TENM2: variants seen among roughly 807,000 people sequenced by gnomAD.
The protein encoded by TENM2 is teneurin-2.
A neutral mutation model predicts 245.2 loss-of-function variants in TENM2; 52 were observed. The observed-to-expected ratio is 0.21, with a 90% CI of 0.17 to 0.27. TENM2 has a LOEUF of 0.27. TENM2 is among the 10% of genes least tolerant of loss of function. TENM2 has a pLI of 1.00. For synonymous variants in TENM2, 1,363 were observed against 1,438.9 expected (o/e 0.95, Z 1.19); for missense variants, 3,046 against 3,666.8 (o/e 0.83, Z 4.37).
chr5:167,565,834 T>A (rs1261738548), intron 2 of TENM2, among the ~76,000 whole-genome samples: 2 of 152,202 alleles, frequency 1.3e-5, no homozygotes, highest in Non-Finnish European at 2.9e-5. Context: ...TAATATATGG[T>A]CATGAAAACA....
intron 2 of TENM2, among the ~76,000 whole-genome samples, chr5:167,691,444 C>G (rs1391219583): frequency 6.6e-6 from 1 of 152,190 alleles, no homozygotes; most frequent in Non-Finnish European, 1.5e-5. Flanking sequence ...CTGGGTAAAG[C>G]CTGAGGCAAG....
At chr5:167,539,025 A>G (rs911703858) in intron 2 of TENM2, among the ~76,000 whole-genome samples, 7 of 152,158 alleles carry the variant, frequency 4.6e-5, no homozygotes, top group Non-Finnish European at 7.3e-5. Context: ...TTATGTTTCA[A>G]TGTCACCTTT....
At chr5:167,248,399 G>A in the TENM2 span, among the ~76,000 whole-genome samples, 1 of 152,116 alleles carries the variant, frequency 6.6e-6, no homozygotes, top group African/African-American at 2.4e-5. Context: ...AGAATCCCAC[G>A]GAGGGTTCCA....
At chr5:167,843,070 G>A (rs981570363) in intron 2 of TENM2, among the ~76,000 whole-genome samples, 2 of 152,132 alleles carry the variant, frequency 1.3e-5, no homozygotes, top group East Asian at 1.9e-4. Context: ...TCTAGGGTCC[G>A]TGAAACTCCC....
the TENM2 span, among the ~76,000 whole-genome samples, chr5:167,018,817 C>T: frequency 6.6e-6 from 1 of 152,184 alleles, no homozygotes; most frequent in African/African-American, 2.4e-5. Context: ...GGCAATCAAG[C>T]GGATCTATCC....
chr5:168,149,280 C>T (rs1756427920), intron 12 of TENM2: 1 of 443,132 alleles, frequency 2.3e-6, no homozygotes, highest in Non-Finnish European at 4.5e-6. Flanking sequence ...TCCCCTGTCA[C>T]CCTTTCCCTT....
At chr5:167,871,278 A>G (rs933492584) in intron 2 of TENM2, among the ~76,000 whole-genome samples, 15 of 152,158 alleles carry the variant, frequency 9.9e-5, no homozygotes, top group Admixed American at 9.2e-4. Context: ...CTCCACGTCC[A>G]TGAAATTTCT....
chr5:167,585,868 T>A (rs1409403580), intron 2 of TENM2, among the ~76,000 whole-genome samples: 2 of 152,196 alleles, frequency 1.3e-5, no homozygotes, highest in Non-Finnish European at 2.9e-5. Flanking sequence ...GCTCACCCTG[T>A]AATTCCAGCA....
At chr5:167,310,384 G>A (rs1004086966) in intron 1 of TENM2, among the ~76,000 whole-genome samples, 45 of 152,202 alleles carry the variant, frequency 3.0e-4, no homozygotes, top group African/African-American at 8.9e-4. Context: ...CAAAAGGAGC[G>A]TTTACAAACA....
At chr5:167,485,491 AT>A (rs2127534794) in intron 2 of TENM2, among the ~76,000 whole-genome samples, 1 of 152,174 alleles carries the variant, frequency 6.6e-6, no homozygotes, top group African/African-American at 2.4e-5. Flanking sequence ...AAGCCATAAC[AT>A]TTTTCTCTGT....
At position 167,298,758 on chromosome 5, in the gene TENM2, A is replaced by G. The variant is rs762900948; in HGVS notation, c.226+13695A>G. Among the ~76,000 whole-genome samples, 19 of 152,368 alleles carry G rather than the reference A, an allele frequency of 1.2e-4. 1 individual carries two copies. The highest frequency in any genetic ancestry group is 2.4e-4 in the Non-Finnish European group (16 of 68,038). On this transcript the variant is annotated intron_variant, in intron 1 of 28. Coordinates refer to ENST00000518659, the Ensembl canonical transcript of TENM2. The stretch of plus-strand genomic sequence containing the variant: ...ATAGTCCTGCCAGCAAAGATTATTT[A>G]TTTACTTTAAGAGTTAAGAGTGGCA...
the TENM2 span, among the ~76,000 whole-genome samples, chr5:167,127,286 G>T: frequency 0.035 from 5,299 of 152,184 alleles, 307 homozygotes; most frequent in African/African-American, 0.12. Flanking sequence ...CTATAGGGGA[G>T]CTAGAAAGCA....
At chr5:168,034,285 G>A (rs1241583619) in intron 5 of TENM2, among the ~76,000 whole-genome samples, 2 of 148,858 alleles carry the variant, frequency 1.3e-5, no homozygotes, top group Admixed American at 1.3e-4. Flanking sequence ...AGGGTGCAGT[G>A]AGCCAAGATG....
chr5:168,255,055 A>AAAAAG (rs573414365), intron 27 of TENM2, among the ~76,000 whole-genome samples: 1 of 151,932 alleles, frequency 6.6e-6, no homozygotes, highest in Non-Finnish European at 1.5e-5. Flanking sequence ...TCAAAAAAAA[A>AAAAAG]AAAGAAAGAA....
At chr5:167,144,164 A>T in the TENM2 span, among the ~76,000 whole-genome samples, 1 of 152,176 alleles carries the variant, frequency 6.6e-6, no homozygotes, top group East Asian at 1.9e-4. Flanking sequence ...TTTGAAAAAA[A>T]AAAATTGTTA....
intron 6 of TENM2, among the ~76,000 whole-genome samples, chr5:168,055,761 C>T (rs11949662): frequency 0.013 from 1,943 of 152,248 alleles, 39 homozygotes; most frequent in African/African-American, 0.043. Context: ...AGAGCACCTA[C>T]AATTTAGGTA....
chr5:168,049,638 A>G (rs1463940601), intron 6 of TENM2, among the ~76,000 whole-genome samples: 1 of 152,188 alleles, frequency 6.6e-6, no homozygotes, highest in Non-Finnish European at 1.5e-5. Context: ...TGCGTCTCTA[A>G]ATTAACAAAT....
rs908773916 is a variant in TENM2, at chr5:168,006,395, A to C, written c.1186+13213A>C. The stretch of plus-strand genomic sequence containing the variant: ...TTGACTGAAGGTTTTCCACATGTGC[A>C]TATAGATTCTCCATGTAGAAAAGAA... On this transcript the variant is annotated intron_variant, in intron 5 of 28. Transcript: ENST00000518659. Among the ~76,000 whole-genome samples, 3 of 152,214 alleles carry C rather than the reference A, an allele frequency of 2.0e-5. No homozygotes were observed. In the South Asian group the frequency reaches 6.2e-4, roughly 32 times the overall value.
intron 2 of TENM2, among the ~76,000 whole-genome samples, chr5:167,421,172 A>C (rs1466753311): frequency 1.3e-5 from 2 of 152,066 alleles, no homozygotes; most frequent in African/African-American, 2.4e-5. Flanking sequence ...ATGGAACAAA[A>C]CCCCCACATT....
Sources: gnomAD v4.1 joint callset for allele counts (sites outside exome capture counted in the v4.1 genomes callset) on GRCh38, gnomAD v4.1.1 for gene constraint, MANE v1.5 for transcripts, NCBI Gene and HGNC (gene_info 2026-07-23, HGNC 2026-07-21) for gene names.